MUC3A: variants seen among roughly 807,000 people sequenced by gnomAD.
MUC3A encodes the protein mucin-3A.
Under a neutral mutation model 109.0 loss-of-function variants are expected in MUC3A, and 109 were observed. The ratio of observed to expected loss-of-function variants is 1.00; its 90% CI spans 0.86 to 1.17. The LOEUF (loss-of-function observed/expected upper bound fraction) is 1.17. MUC3A is among the 50% of genes most tolerant of loss of function. The pLI, the probability that MUC3A is intolerant of heterozygous loss-of-function variation, is 0.00. For missense variants in MUC3A, 3,537 were observed against 2,469.4 expected (o/e 1.43, Z -9.16); for synonymous variants, 1,398 against 981.4 (o/e 1.42, Z -7.93).
At position 100,959,310 on chromosome 7, in the gene MUC3A, T is replaced by C. The variant is rs751044092; in HGVS notation, c.7531T>C (p.Ser2511Pro). Residue 2511 changes from serine to proline, a missense_variant, in exon 2 of 12, where the codon TCT becomes CCT. Coordinates refer to ENST00000379458, the MANE Select transcript of MUC3A (RefSeq NM_005960.2). The part of the protein sequence containing the change: ...TSLTTTTDFP[S>P]IPTDISTLPT... ...ATTGACTACAACCACAGACTTTCCC[T>C]CTATACCCACTGATATCAGTACCTT... 54 of 1,574,240 alleles carry C rather than the reference T, an allele frequency of 3.4e-5. No homozygotes were observed. Among genetic ancestry groups the C allele is most frequent in the Non-Finnish European group, 4.4e-5 (51 of 1,167,356 alleles).
At position 100,967,858 on chromosome 7, in the gene MUC3A, T is replaced by TC. The variant is rs1792671334; in HGVS notation, c.*697dup. ...GTGTCTTAGGATACCCAGGTGCTGT[T>TC]CTCCCCGTCACCCCGTTGCCCAGTT... is the stretch of plus-strand genomic sequence containing the variant. On this transcript the variant is annotated 3_prime_UTR_variant, in exon 12 of 12. Coordinates refer to ENST00000379458, the MANE Select transcript of MUC3A (RefSeq NM_005960.2). The TC allele has an allele frequency of 6.3e-6, 1 of 158,238 alleles. No homozygotes were observed. The highest frequency in any genetic ancestry group is 2.4e-5 in the African/African-American group (1 of 41,530). The allele number at this position is 158,238 out of a possible 1,614,324, so 9.8% of individuals were successfully genotyped here.
In MUC3A at chr7:100,953,193, T is replaced by C; in HGVS notation, c.1414T>C (p.Phe472Leu). ...TACAGCAACAGACCTCACATCAACA[T>C]TCACGGTTTCCAGTTCCTCAGCAAT... ...LTTATDLTST[F>L]TVSSSSAMST... is the part of the protein sequence containing the mutation. Residue 472 changes from phenylalanine to leucine, a missense_variant, in exon 2 of 12, where the codon TTC (phenylalanine) becomes CTC (leucine). Coordinates refer to ENST00000379458, the MANE Select transcript of MUC3A (RefSeq NM_005960.2). 1 of 600,674 alleles carries C rather than the reference T, an allele frequency of 1.7e-6. No individual in the cohort carries two copies. Among genetic ancestry groups the C allele is most frequent in the Non-Finnish European group, 2.9e-6 (1 of 339,560 alleles). The allele number at this position is 600,674 out of a possible 1,614,324, so 37.2% of individuals were successfully genotyped here.
At position 100,959,159 on chromosome 7, in the gene MUC3A, C is replaced by A; in HGVS notation, c.7380C>A (p.Thr2460=). The A allele has an allele frequency of 6.3e-7, 1 of 1,597,588 alleles. No individual in the cohort carries two copies. Among genetic ancestry groups the A allele is most frequent in the Non-Finnish European group, 8.5e-7 (1 of 1,179,564 alleles). The part of the protein sequence containing the change: ...STVSTSTTAI[T]SHFTTSETAV... ...TCAGCACATCCACAACTGCCATCACCTCACATTTTACTACCTCAGAGACTG... is the reference window on the plus strand; with the variant it reads ...TCAGCACATCCACAACTGCCATCACATCACATTTTACTACCTCAGAGACTG... The change falls in exon 2 of 12, where the codon ACC becomes ACA. Residue 2460 remains threonine, a synonymous_variant. Transcript: ENST00000379458.
Position 100,963,759 on chromosome 7 carries a change from G to A in MUC3A, c.9233+7G>A. 4 of 1,598,572 alleles carry A rather than the reference G, an allele frequency of 2.5e-6. No homozygotes were observed. The highest frequency in any genetic ancestry group is 3.4e-6 in the Non-Finnish European group (4 of 1,179,826). The stretch of plus-strand genomic sequence containing the variant: ...TGGAGATCCTGTCCCTGAGGTAGGA[G>A]ACCCATCTGGGGATGCGGAGGCGGT... On this transcript the variant is annotated splice_region_variant and intron_variant, in intron 5 of 11. Transcript: ENST00000379458.
rs769311145 is a variant in MUC3A, at chr7:100,959,043, A to G, written c.7264A>G (p.Ser2422Gly). 1 of 1,563,966 alleles carries G rather than the reference A, an allele frequency of 6.4e-7. No individual in the cohort carries two copies. The highest frequency in any genetic ancestry group is 8.6e-7 in the Non-Finnish European group (1 of 1,165,232). Residue 2422 changes from serine (S) to glycine (G), a missense_variant, in exon 2 of 12, where the codon AGT becomes GGT. Ser to Gly is a moderately conservative substitution (Grantham distance 56). Coordinates refer to ENST00000379458, the MANE Select transcript of MUC3A (RefSeq NM_005960.2). ...CACCACCACTGAGACTACCTCACAC[A>G]GTACTCCTGGCTTCACTTCTTCAAT... Reference protein sequence around the residue: ...SITTTETTSHSTPGFTSSITT... With the variant: ...SITTTETTSHGTPGFTSSITT...
Position 100,960,602 on chromosome 7 carries a change from C to T in MUC3A, c.8823C>T (p.Ile2941=). ...TTACATCACGCAGGACAACTCGCATCACTTCTCAGATGACCACACAGTCCA... is the reference window on the plus strand; with the variant it reads ...TTACATCACGCAGGACAACTCGCATTACTTCTCAGATGACCACACAGTCCA... The part of the protein sequence containing the change: ...TTLTSRRTTR[I]TSQMTTQSTL... The change falls in exon 2 of 12, where the codon ATC becomes ATT. Residue 2941 remains isoleucine (I), a synonymous_variant. Coordinates refer to ENST00000379458, the MANE Select transcript of MUC3A (RefSeq NM_005960.2). The T allele has an allele frequency of 6.3e-7, 1 of 1,598,658 alleles. No individual in the cohort carries two copies. Among genetic ancestry groups the T allele is most frequent in the Non-Finnish European group, 8.5e-7 (1 of 1,179,770 alleles).
rs1792630726 is a variant in MUC3A, at chr7:100,967,291, A to G, written c.*129A>G. On this transcript the variant is annotated 3_prime_UTR_variant, in exon 12 of 12. Coordinates refer to ENST00000379458, the MANE Select transcript of MUC3A (RefSeq NM_005960.2). ...TCCTGCTGTTCTTGGGCAAGATGAG[A>G]CTGTTCCCCCAAATCCCATCCTTCT... 1 of 1,427,392 alleles carries G rather than the reference A, an allele frequency of 7.0e-7. No homozygotes were observed. The highest frequency in any genetic ancestry group is 2.5e-5 in the East Asian group (1 of 40,500). The allele number at this position is 1,427,392 out of a possible 1,614,324, so 88.4% of individuals were successfully genotyped here.
chr7:100,964,398 T>C (rs1792451158), intron 5 of MUC3A: 1 of 399,486 alleles, frequency 2.5e-6, no homozygotes, highest in Non-Finnish European at 4.4e-6. Flanking sequence ...AGTTGGAGGC[T>C]GCAGTGAGCT....
In MUC3A at chr7:100,959,862, T is replaced by G; in HGVS notation, c.8083T>G (p.Ser2695Ala). 1 of 1,559,040 alleles carries G rather than the reference T, an allele frequency of 6.4e-7. No individual in the cohort carries two copies. The highest frequency in any genetic ancestry group is 1.2e-5 in the South Asian group (1 of 82,332). The change falls in exon 2 of 12, where the codon TCT becomes GCT. Residue 2695 changes from serine to alanine, a missense_variant. Transcript: ENST00000379458. ...TPTIIMSSSP[S>A]SASITPVFST... is the part of the protein sequence containing the mutation. ...CACTATTATCATGTCCTCTTCTCCA[T>G]CTTCTGCCAGCATAACTCCAGTGTT...
chr7:100,952,012 T>A lies in MUC3A; in HGVS notation c.233T>A (p.Leu78His). Residue 78 changes from leucine (L) to histidine (H), a missense_variant, in exon 2 of 12, where the codon CTC (leucine) becomes CAC (histidine). By Grantham distance (99) the Leu-to-His change is moderately conservative. Coordinates refer to ENST00000379458, the MANE Select transcript of MUC3A (RefSeq NM_005960.2). Reference protein sequence around the residue: ...PGHRENAPMTLTTSPHDTLIS... With the variant: ...PGHRENAPMTHTTSPHDTLIS... ...CACAGGGAAAATGCACCTATGACAC[T>A]CACTACCTCCCCCCATGACACACTC... 6.3e-7 allele frequency: 1 copy of A among 1,598,658 alleles called. No homozygotes were observed. Among genetic ancestry groups the A allele is most frequent in the Non-Finnish European group, 8.5e-7 (1 of 1,179,806 alleles).
chr7:100,952,023 C>G lies in MUC3A; in HGVS notation c.244C>G (p.Pro82Ala), dbSNP rs772740747. The G allele has an allele frequency of 1.9e-5, 31 of 1,598,456 alleles. No homozygotes were observed. Among genetic ancestry groups the G allele is most frequent in the Non-Finnish European group, 2.5e-5 (30 of 1,179,734 alleles). Reference sequence around the variant, plus strand: ...TGCACCTATGACACTCACTACCTCCCCCCATGACACACTCATCTCTGAAAC... The same window carrying G: ...TGCACCTATGACACTCACTACCTCCGCCCATGACACACTCATCTCTGAAAC... ...ENAPMTLTTSPHDTLISETLL... is the reference protein window; with the variant it reads ...ENAPMTLTTSAHDTLISETLL... Residue 82 changes from proline (P) to alanine (A), a missense_variant, in exon 2 of 12, where the codon CCC becomes GCC. Pro to Ala is a conservative substitution (Grantham distance 27). Transcript: ENST00000379458.
intron 3 of MUC3A, among the ~76,000 whole-genome samples, chr7:100,962,231 C>CAAAAAAAAAAAA (rs1171031869): frequency 1.3e-4 from 2 of 15,032 alleles, no homozygotes; most frequent in African/African-American, 4.2e-4. Context: ...GACTCCGTCT[C>CAAAAAAAAAAAA]AAAAAAAAAA....
In MUC3A at chr7:100,957,571, C is replaced by T. The variant is rs1407577904; in HGVS notation, c.5792C>T (p.Thr1931Ile). The change falls in exon 2 of 12, where the codon ACC becomes ATC. Residue 1931 changes from threonine (T) to isoleucine (I), a missense_variant. Transcript: ENST00000379458. Reference sequence around the variant, plus strand: ...AGATTCACTTCTTCAATCACCACTACCGAGACCCCCTCACACAGTACTCCC... The same window carrying T: ...AGATTCACTTCTTCAATCACCACTATCGAGACCCCCTCACACAGTACTCCC... ...TPRFTSSITT[T>I]ETPSHSTPRF... is the part of the protein sequence containing the mutation. The T allele has an allele frequency of 2.1e-6, 3 of 1,428,846 alleles. No homozygotes were observed. The highest frequency in any genetic ancestry group is 2.7e-6 in the Non-Finnish European group (3 of 1,100,504). 88.5% of individuals were successfully genotyped at this position (1,428,846 alleles called of 1,614,324 possible).
In MUC3A at chr7:100,953,572, A is replaced by G; in HGVS notation, c.1793A>G (p.Gln598Arg). 1 of 442,264 alleles carries G rather than the reference A, an allele frequency of 2.3e-6. No individual in the cohort carries two copies. Among genetic ancestry groups the G allele is most frequent in the African/African-American group, 2.0e-5 (1 of 49,546 alleles). 27.4% of individuals were successfully genotyped at this position (442,264 alleles called of 1,614,324 possible). Residue 598 changes from glutamine (Q) to arginine (R), a missense_variant, in exon 2 of 12, where the codon CAG becomes CGG. By Grantham distance (43) the Gln-to-Arg change is conservative (BLOSUM62 1). Transcript: ENST00000379458. Reference sequence around the variant, plus strand: ...ACTGCAGCAACTACAGGAACAGGTCAGACCACCTTCACCAGCTCTACAGCC... The same window carrying G: ...ACTGCAGCAACTACAGGAACAGGTCGGACCACCTTCACCAGCTCTACAGCC... ...STTAATTGTG[Q>R]TTFTSSTATF...
chr7:100,966,969 G>A lies in MUC3A; in HGVS notation c.9930+18G>A, dbSNP rs762082630. On this transcript the variant is annotated intron_variant, in intron 11 of 11. Coordinates refer to ENST00000379458, the MANE Select transcript of MUC3A (RefSeq NM_005960.2). Reference sequence around the variant, plus strand: ...CTATGAAGGTGAGGGGCTAAAGAGGGGGACCCCAAGGAACTCTCCCAGCCT... The same window carrying A: ...CTATGAAGGTGAGGGGCTAAAGAGGAGGACCCCAAGGAACTCTCCCAGCCT... The A allele has an allele frequency of 2.3e-4, 373 of 1,597,964 alleles. No individual in the cohort carries two copies. The highest frequency in any genetic ancestry group is 3.0e-4 in the Non-Finnish European group (355 of 1,179,386).
intron 3 of MUC3A, among the ~76,000 whole-genome samples, chr7:100,961,598 G>A (rs77359330): frequency 6.6e-6 from 1 of 152,210 alleles, no homozygotes; most frequent in Non-Finnish European, 1.5e-5. Flanking sequence ...GAGGCTGAGG[G>A]GGTAGGATCA....
rs761750720 is a variant in MUC3A, at chr7:100,959,257, C to T, written c.7478C>T (p.Thr2493Ile). The change falls in exon 2 of 12, where the codon ACC (threonine) becomes ATC (isoleucine). Residue 2493 changes from threonine to isoleucine, a missense_variant. By Grantham distance (89) the Thr-to-Ile change is moderately conservative. Coordinates refer to ENST00000379458, the MANE Select transcript of MUC3A (RefSeq NM_005960.2). Reference sequence around the variant, plus strand: ...CCGACCACAAGCCTACGAACTCTCACCCCTTCGTCTGTGGGCACCAGCACT... The same window carrying T: ...CCGACCACAAGCCTACGAACTCTCATCCCTTCGTCTGTGGGCACCAGCACT... ...DIPTTSLRTL[T>I]PSSVGTSTSL... 15 of 1,596,370 alleles carry T rather than the reference C, an allele frequency of 9.4e-6. No individual in the cohort carries two copies. Among genetic ancestry groups the T allele is most frequent in the Non-Finnish European group, 1.3e-5 (15 of 1,178,486 alleles).
In MUC3A at chr7:100,956,285, C is replaced by A. The variant is rs891749006; in HGVS notation, c.4506C>A (p.Val1502=). The A allele has an allele frequency of 3.5e-6, 2 of 578,878 alleles. No individual in the cohort carries two copies. The highest frequency in any genetic ancestry group is 3.1e-6 in the Non-Finnish European group (1 of 327,808). 35.9% of individuals were successfully genotyped at this position (578,878 alleles called of 1,614,324 possible). ...CTCTTCCACCCACCTCTTCCTTGGTCTCAACCGCAGAAACAGCCAAAACTC... is the reference window on the plus strand; with the variant it reads ...CTCTTCCACCCACCTCTTCCTTGGTATCAACCGCAGAAACAGCCAAAACTC... ...ATSLPPTSSL[V]STAETAKTPT... The change falls in exon 2 of 12, where the codon GTC becomes GTA. Residue 1502 remains valine, a synonymous_variant. Transcript: ENST00000379458.
Position 100,959,121 on chromosome 7 carries a change from A to G in MUC3A, c.7342A>G (p.Ile2448Val), listed in dbSNP as rs777903255. 19 of 1,530,200 alleles carry G rather than the reference A, an allele frequency of 1.2e-5. No homozygotes were observed. The highest frequency in any genetic ancestry group is 1.7e-4 in the Middle Eastern group (1 of 5,914). 94.8% of individuals were successfully genotyped at this position (1,530,200 alleles called of 1,614,324 possible). Residue 2448 changes from isoleucine to valine, a missense_variant, in exon 2 of 12, where the codon ATC becomes GTC. Coordinates refer to ENST00000379458, the MANE Select transcript of MUC3A (RefSeq NM_005960.2). ...TACTCCCAGCCTCAGTTCTTCAACC[A>G]TCTACTCCACAGTCAGCACATCCAC... The part of the protein sequence containing the change: ...ESTPSLSSST[I>V]YSTVSTSTTA...
Sources: gnomAD v4.1 joint callset for allele counts (sites outside exome capture counted in the v4.1 genomes callset) on GRCh38, gnomAD v4.1.1 for gene constraint, MANE v1.5 for transcripts, NCBI Gene and HGNC (gene_info 2026-07-23, HGNC 2026-07-21) for gene names.